Variants in NALF1 observed in about 807,000 individuals in gnomAD.
NALF1 encodes the protein NALCN channel auxiliary factor 1, also known as family with sequence similarity 155 member A.
Under a neutral mutation model 48.4 loss-of-function variants are expected in NALF1, and 3 were observed. The ratio of observed to expected loss-of-function variants is 0.06; its 90% CI spans 0.03 to 0.16. The LOEUF (loss-of-function observed/expected upper bound fraction) is 0.16, where lower values mean the gene tolerates loss of function less well. NALF1 is among the 10% of genes least tolerant of loss of function. The probability of loss-of-function intolerance (pLI) is 1.00; values close to 1 mark genes in which losing one functional copy is unlikely to be tolerated. For synonymous variants in NALF1, 262 were observed against 245.7 expected, an observed-to-expected ratio of 1.07 and a Z score of -0.62; for missense variants, 526 against 571.5, an observed-to-expected ratio of 0.92 and a Z score of 0.81.
At chr13:107,498,829 G>A (rs1875422366) in intron 1 of NALF1, among the ~76,000 whole-genome samples, 1 of 152,108 alleles carries the variant, frequency 6.6e-6, no homozygotes, top group South Asian at 2.1e-4. Context: ...GAGGCTGAAA[G>A]GGATTTTTTC....
intron 1 of NALF1, among the ~76,000 whole-genome samples, chr13:107,539,733 C>T (rs909178421): frequency 6.6e-6 from 1 of 151,994 alleles, no homozygotes; most frequent in Non-Finnish European, 1.5e-5. Flanking sequence ...CTTGCAATGG[C>T]TCTTTGAAAT....
At chr13:107,628,678 A>AAAAC (rs1248799515) in intron 1 of NALF1, among the ~76,000 whole-genome samples, 1 of 152,202 alleles carries the variant, frequency 6.6e-6, no homozygotes, top group Non-Finnish European at 1.5e-5. Flanking sequence ...CAAAAAATCT[A>AAAAC]AAACAAACAA....
chr13:107,663,284 G>A (rs551621993), intron 1 of NALF1, among the ~76,000 whole-genome samples: 7 of 152,138 alleles, frequency 4.6e-5, no homozygotes, highest in Non-Finnish European at 1.0e-4. Context: ...TTCCTTAGGG[G>A]ACAAATGTTT....
chr13:107,539,403 C>G (rs1398082812), intron 1 of NALF1, among the ~76,000 whole-genome samples: 2 of 150,388 alleles, frequency 1.3e-5, no homozygotes, highest in Non-Finnish European at 2.9e-5. Flanking sequence ...GAAGAGGGCT[C>G]TGCCCTTGTG....
intron 1 of NALF1, among the ~76,000 whole-genome samples, chr13:107,831,130 C>A (rs1879710784): frequency 6.6e-6 from 1 of 152,168 alleles, no homozygotes; most frequent in African/African-American, 2.4e-5. Flanking sequence ...GACACTTTTC[C>A]TACTCTGAAT....
intron 1 of NALF1, among the ~76,000 whole-genome samples, chr13:107,445,768 T>C (rs1216428524): frequency 6.6e-6 from 1 of 152,216 alleles, no homozygotes. Flanking sequence ...CATAGTGATA[T>C]ATCATCGTAG....
intron 1 of NALF1, among the ~76,000 whole-genome samples, chr13:107,549,885 T>C (rs945277409): frequency 3.3e-5 from 5 of 152,094 alleles, no homozygotes; most frequent in East Asian, 3.9e-4. Context: ...CAGTTTCCAA[T>C]AAGAATTGTA....
chr13:107,447,047 T>C (rs1884662162), intron 1 of NALF1, among the ~76,000 whole-genome samples: 2 of 152,162 alleles, frequency 1.3e-5, no homozygotes. Flanking sequence ...AGTACCGTAT[T>C]GGGATTTGCA....
intron 1 of NALF1, among the ~76,000 whole-genome samples, chr13:107,750,197 G>A (rs1486909689): frequency 2.6e-5 from 4 of 152,152 alleles, no homozygotes; most frequent in Non-Finnish European, 5.9e-5. Flanking sequence ...GCCACACTGG[G>A]ACGTGCGGAC....
At chr13:107,194,365 T>C (rs971471991) in intron 2 of NALF1, among the ~76,000 whole-genome samples, 1 of 152,148 alleles carries the variant, frequency 6.6e-6, no homozygotes, top group Non-Finnish European at 1.5e-5. Flanking sequence ...ATGGTATGCA[T>C]AGAAATAGGC....
chr13:107,425,038 T>G (rs1014866335), intron 1 of NALF1, among the ~76,000 whole-genome samples: 1 of 152,194 alleles, frequency 6.6e-6, no homozygotes, highest in African/African-American at 2.4e-5. Context: ...TTGTCGCTGT[T>G]AGACAAACCA....
intron 1 of NALF1, among the ~76,000 whole-genome samples, chr13:107,424,724 A>G (rs1415871734): frequency 6.6e-6 from 1 of 152,178 alleles, no homozygotes; most frequent in African/African-American, 2.4e-5. Flanking sequence ...CATGGGAGAG[A>G]TACTTGATAT....
chr13:107,188,160 AGAAAATGATCTTT>A (rs1286601110), intron 2 of NALF1, among the ~76,000 whole-genome samples: 1 of 152,190 alleles, frequency 6.6e-6, no homozygotes, highest in Non-Finnish European at 1.5e-5. Flanking sequence ...TTAGTGTTGC[AGAAAATGATCTTT>A]GAAGTTAGTA....
intron 1 of NALF1, among the ~76,000 whole-genome samples, chr13:107,613,116 A>C (rs577512100): frequency 6.6e-6 from 1 of 152,086 alleles, no homozygotes; most frequent in African/African-American, 2.4e-5. Context: ...GAAAGGTGAA[A>C]CTCCCGGGGA....
At chr13:107,302,090 T>A (rs1881847975) in intron 1 of NALF1, among the ~76,000 whole-genome samples, 1 of 152,174 alleles carries the variant, frequency 6.6e-6, no homozygotes, top group Admixed American at 6.5e-5. Flanking sequence ...GATAGATTAA[T>A]GGATAAATGC....
intron 1 of NALF1, among the ~76,000 whole-genome samples, chr13:107,570,288 T>C (rs746746313): frequency 3.3e-5 from 5 of 152,038 alleles, no homozygotes; most frequent in Non-Finnish European, 7.4e-5. Context: ...GATAAATCAT[T>C]CATTCTTCCA....
At chr13:107,677,444 C>T (rs1881160713) in intron 1 of NALF1, among the ~76,000 whole-genome samples, 1 of 152,236 alleles carries the variant, frequency 6.6e-6, no homozygotes, top group South Asian at 2.1e-4. Flanking sequence ...TTGTAACTCT[C>T]CTCCTAAAAT....
In NALF1 at chr13:107,725,618, G is replaced by A. The variant is rs144448929; in HGVS notation, c.915+140064C>T. Among the ~76,000 whole-genome samples the A allele has an allele frequency of 1.1e-3, 167 of 151,896 alleles. 1 individual carries two copies. Among genetic ancestry groups the A allele is most frequent in the African/African-American group, 3.9e-3 (161 of 41,396 alleles). ...CCCAGCTACTTGAACCAGGGAAGTGGAGGTTGCAGTGAGTCAAGATCACGC... is the reference window on the plus strand; with the variant it reads ...CCCAGCTACTTGAACCAGGGAAGTGAAGGTTGCAGTGAGTCAAGATCACGC... On this transcript the variant is annotated intron_variant, in intron 1 of 2. Coordinates refer to ENST00000375915, the MANE Select transcript of NALF1 (RefSeq NM_001080396.3).
intron 1 of NALF1, among the ~76,000 whole-genome samples, chr13:107,302,175 T>C (rs1881849785): frequency 6.6e-6 from 1 of 152,170 alleles, no homozygotes; most frequent in African/African-American, 2.4e-5. Context: ...CTGCACCATG[T>C]GATGCCCTGT....
Sources: allele counts gnomAD v4.1 joint callset (sites outside exome capture counted in the v4.1 genomes callset), GRCh38; gene constraint gnomAD v4.1.1; transcripts MANE v1.5; gene names NCBI Gene and HGNC (gene_info 2026-07-23, HGNC 2026-07-21).